Variants in VWA3A observed in about 807,000 individuals in gnomAD.
VWA3A encodes von Willebrand factor A domain containing 3A, also known as von Willebrand factor A domain-containing protein 3A.
A neutral mutation model predicts 160.4 loss-of-function variants in VWA3A; 134 were observed. That is an observed-to-expected ratio of 0.84 (90% CI 0.73 to 0.96). The LOEUF is 0.96. Among genes scored for constraint, VWA3A ranks in the 40% least tolerant of loss-of-function variants. The pLI, the probability that VWA3A is intolerant of heterozygous loss-of-function variation, is 0.00. For missense variants in VWA3A, 1,310 were observed against 1,447.9 expected (o/e 0.90, Z 1.55); for synonymous variants, 476 against 543.4 (o/e 0.88, Z 1.72).
At chr16:22,129,398 A>AGAAAGAAAGAAAGAAAGAAAG (rs1274399954) in intron 17 of VWA3A, among the ~76,000 whole-genome samples, 1 of 101,626 alleles carries the variant, frequency 9.8e-6, no homozygotes, top group Admixed American at 8.9e-5. Flanking sequence ...CAAAAAAAAA[A>AGAAAGAAAGAAAGAAAGAAAG]AAAAAAAGAA....
intron 19 of VWA3A, 95 bp from the exon 20 acceptor site, chr16:22,132,804 AG>A: frequency 8.4e-7 from 1 of 1,195,196 alleles, no homozygotes; most frequent in Non-Finnish European, 1.2e-6. Flanking sequence ...GGCACAGAGA[AG>A]GCCCTGGAGA....
intron 3 of VWA3A, 27 bp from the exon 4 acceptor site, chr16:22,100,167 G>C (rs747300959): frequency 6.6e-7 from 1 of 1,522,520 alleles, no homozygotes; most frequent in South Asian, 1.3e-5. Flanking sequence ...TCCACTTCAC[G>C]GTTTGACTCT....
At chr16:22,106,042 A>G (rs187394139) in intron 6 of VWA3A, among the ~76,000 whole-genome samples, 1 of 152,340 alleles carries the variant, frequency 6.6e-6, no homozygotes, top group Admixed American at 6.5e-5. Context: ...TGCTGTAAAA[A>G]GAAACAAAGC....
chr16:22,142,935 G>A (rs2046179904), intron 25 of VWA3A, among the ~76,000 whole-genome samples, 170 bp downstream of exon 25: 1 of 152,132 alleles, frequency 6.6e-6, no homozygotes, highest in Admixed American at 6.5e-5. Context: ...TGGATCACTT[G>A]AGGTCAGGAG....
rs763794102 is a variant in VWA3A, at chr16:22,149,930, T to C, written c.3128T>C (p.Leu1043Pro). The change falls in exon 29 of 34, where the codon CTG becomes CCG. Residue 1043 changes from leucine to proline, a missense_variant and splice_region_variant. Leu to Pro is a moderately conservative substitution (Grantham distance 98). Coordinates refer to ENST00000389398, the MANE Select transcript of VWA3A (RefSeq NM_173615.5). ...QGSTSILQAL[L>P]KAFSFHDLEG... Reference sequence around the variant, plus strand: ...AGCACCTCCATCTTGCAAGCATTGCTGGCAAGTCCCACCACGGAGCCCGAC... The same window carrying C: ...AGCACCTCCATCTTGCAAGCATTGCCGGCAAGTCCCACCACGGAGCCCGAC... 6.0e-5 allele frequency: 96 copies of C among 1,604,100 alleles called. No homozygotes were observed. Among genetic ancestry groups the C allele is most frequent in the Admixed American group, 2.9e-4 (17 of 59,488 alleles).
rs1318454040 is a variant in VWA3A at position 22,148,231 on chromosome 16, T to C, written c.2909T>C (p.Met970Thr). 6 of 1,600,468 alleles carry C rather than the reference T, an allele frequency of 3.7e-6. No homozygotes were observed. The highest frequency in any genetic ancestry group is 1.7e-6 in the Non-Finnish European group (2 of 1,173,882). The change falls in exon 28 of 34, where the codon ATG (methionine) becomes ACG (threonine). Residue 970 changes from methionine (M) to threonine (T), a missense_variant. Coordinates refer to ENST00000389398, the MANE Select transcript of VWA3A (RefSeq NM_173615.5). ...VCILLDTSGS[M>T]GPYLQQVKTE... ...ATATTGCTGGACACGTCAGGGTCCA[T>C]GGGCCCCTACCTGCAGCAGGTGAAG...
rs1730107771 is a variant in VWA3A, at chr16:22,131,206, T to C, written c.1654T>C (p.Phe552Leu). Residue 552 changes from phenylalanine to leucine, a missense_variant and splice_region_variant, in exon 18 of 34, where the codon TTT becomes CTT. Phe to Leu is a conservative substitution (Grantham distance 22). Coordinates refer to ENST00000389398, the MANE Select transcript of VWA3A (RefSeq NM_173615.5). Reference protein sequence around the residue: ...SNKDCFNLIAFGSTIESWRPE... With the variant: ...SNKDCFNLIALGSTIESWRPE... ...ACGAACTCTCTTTGCTTCTTAAAGG[T>C]TTGGAAGCACAATTGAAAGCTGGAG... 1 of 1,613,682 alleles carries C rather than the reference T, an allele frequency of 6.2e-7. No individual in the cohort carries two copies. Among genetic ancestry groups the C allele is most frequent in the Non-Finnish European group, 8.5e-7 (1 of 1,179,804 alleles).
chr16:22,150,730 C>T lies in VWA3A; in HGVS notation c.3165C>T (p.Tyr1055=). ...GTTTCCATGATCTGGAAGGATTGTA[C>T]CTCCTGACCGACGGAAAGCCAGACA... ...AFSFHDLEGL[Y]LLTDGKPDTS... is the part of the protein sequence containing the mutation. The change falls in exon 30 of 34, where the codon TAC becomes TAT. Residue 1055 remains tyrosine (Y), a synonymous_variant. Transcript: ENST00000389398. 6.2e-7 allele frequency: 1 copy of T among 1,611,476 alleles called. No individual in the cohort carries two copies. Among genetic ancestry groups the T allele is most frequent in the Non-Finnish European group, 8.5e-7 (1 of 1,178,750 alleles).
At chr16:22,121,928 A>G (rs2045742492) in intron 14 of VWA3A, among the ~76,000 whole-genome samples, 1 of 152,172 alleles carries the variant, frequency 6.6e-6, no homozygotes, top group South Asian at 2.1e-4. Flanking sequence ...GACTTCTGCA[A>G]TTGCTCCCAT....
intron 17 of VWA3A, 98 bp from the exon 18 acceptor site, chr16:22,131,107 A>T: frequency 2.8e-6 from 3 of 1,059,674 alleles, no homozygotes; most frequent in Non-Finnish European, 4.3e-6. Flanking sequence ...GGATCTCATC[A>T]GAATTTTGTC....
chr16:22,139,435 C>G (rs921837989), intron 22 of VWA3A, among the ~76,000 whole-genome samples: 13 of 152,176 alleles, frequency 8.5e-5, no homozygotes, highest in African/African-American at 3.1e-4. Context: ...GTGGCTCACA[C>G]CTGTAATCCC....
chr16:22,121,256 G>A (rs555939561), intron 13 of VWA3A, among the ~76,000 whole-genome samples, 153 bp downstream of exon 13: 105 of 152,114 alleles, frequency 6.9e-4, no homozygotes, highest in Non-Finnish European at 1.1e-3. Context: ...GACCAACCTA[G>A]GCAACATAGC....
At chr16:22,122,765 A>G (rs2045767449) in intron 14 of VWA3A, among the ~76,000 whole-genome samples, 2 of 152,154 alleles carry the variant, frequency 1.3e-5, no homozygotes, top group African/African-American at 4.8e-5. Context: ...AAAACCCTCC[A>G]ACCATATCTT....
chr16:22,094,641 A>T (rs1266293506), intron 1 of VWA3A, among the ~76,000 whole-genome samples: 1 of 152,098 alleles, frequency 6.6e-6, no homozygotes, highest in Non-Finnish European at 1.5e-5. Flanking sequence ...AAGGTCTCAC[A>T]CGTGCCTGGG....
rs576684406 is a variant in VWA3A, at chr16:22,129,449, G to A, written c.1653-1756G>A. Among the ~76,000 whole-genome samples, 218 of 151,722 alleles carry A rather than the reference G, an allele frequency of 1.4e-3. 4 individuals are homozygous for A. In the South Asian group the frequency reaches 0.036, roughly 25 times the overall value. ...AAGAGGTGCATGGAAGAGATTTTGG[G>A]GAGTTAGAATCTACAGAATGTCATC... On this transcript the variant is annotated intron_variant, in intron 17 of 33. Transcript: ENST00000389398.
chr16:22,115,913 G>A (rs1422694956), intron 9 of VWA3A, among the ~76,000 whole-genome samples: 2 of 35,366 alleles, frequency 5.7e-5, no homozygotes, highest in Non-Finnish European at 4.1e-5. Context: ...AAGGAAGGAA[G>A]GAAGGAAGGA....
At chr16:22,155,961 G>A in intron 33 of VWA3A, 45 bp downstream of exon 33, 1 of 1,576,944 alleles carries the variant, frequency 6.3e-7, no homozygotes, top group Non-Finnish European at 8.7e-7. Context: ...TGTGCACTAA[G>A]CACCAAGTGG....
chr16:22,121,213 AGAAG>A, intron 13 of VWA3A, 110 bp downstream of exon 13: 1 of 1,515,466 alleles, frequency 6.6e-7, no homozygotes, highest in East Asian at 2.3e-5. Flanking sequence ...TGGGAGGCCA[AGAAG>A]GAAGGATCAG....
chr16:22,124,502 A>G (rs929601768), intron 16 of VWA3A, among the ~76,000 whole-genome samples: 74 of 149,060 alleles, frequency 5.0e-4, no homozygotes, highest in African/African-American at 1.8e-3. Context: ...AACATTTACA[A>G]AGTATTATAT....
Sources: gnomAD v4.1 joint callset for allele counts (sites outside exome capture counted in the v4.1 genomes callset) on GRCh38, gnomAD v4.1.1 for gene constraint, MANE v1.5 for transcripts, NCBI Gene and HGNC (gene_info 2026-07-23, HGNC 2026-07-21) for gene names.